Variants in ALDH5A1 observed in about 807,000 individuals in gnomAD.
The protein encoded by ALDH5A1 is succinate-semialdehyde dehydrogenase, mitochondrial.
ALDH5A1 carries 33 observed loss-of-function variants against 54.7 expected under a neutral mutation model. The observed-to-expected ratio is 0.60, with a 90% CI of 0.46 to 0.81. The LOEUF is 0.81. ALDH5A1 is among the 30% of genes least tolerant of loss of function. ALDH5A1 has a pLI of 0.00. For missense variants in ALDH5A1, 657 were observed against 711.0 expected (o/e 0.92, Z 0.86); for synonymous variants, 294 against 292.7 (o/e 1.00, Z -0.05).
At chr6:24,522,378 G>A (rs922637766) in intron 6 of ALDH5A1, among the ~76,000 whole-genome samples, 14 of 151,326 alleles carry the variant, frequency 9.3e-5, no homozygotes, top group African/African-American at 3.2e-4. Context: ...CAGCATCACA[G>A]TCTCCTAGGA....
At chr6:24,519,953 A>G (rs1759646136) in intron 5 of ALDH5A1, among the ~76,000 whole-genome samples, 1 of 145,052 alleles carries the variant, frequency 6.9e-6, no homozygotes, top group South Asian at 2.2e-4. Context: ...AAAAATTAAG[A>G]CAGTATTAAT....
chr6:24,500,536 C>T (rs1764798821), intron 1 of ALDH5A1, among the ~76,000 whole-genome samples: 1 of 152,016 alleles, frequency 6.6e-6, no homozygotes. Context: ...AATCTCAGCA[C>T]TTTGGGAGGC....
At chr6:24,531,976 TC>T in intron 8 of ALDH5A1, 142 bp from the exon 9 acceptor site, 1 of 758,680 alleles carries the variant, frequency 1.3e-6, no homozygotes, top group Non-Finnish European at 2.3e-6. Context: ...GGTGCTGCTT[TC>T]TTCTGCAATC....
intron 9 of ALDH5A1, among the ~76,000 whole-genome samples, chr6:24,532,928 G>A (rs1759963337): frequency 6.6e-6 from 1 of 152,096 alleles, no homozygotes; most frequent in Non-Finnish European, 1.5e-5. Context: ...ATGGGGTGAT[G>A]GTGGAGGAAG....
intron 6 of ALDH5A1, among the ~76,000 whole-genome samples, chr6:24,521,857 A>AT (rs71542679): frequency 0.025 from 2,468 of 98,204 alleles, 217 homozygotes; most frequent in African/African-American, 0.086. Flanking sequence ...TGTCTCTACA[A>AT]TTTTTTTTTT....
chr6:24,508,589 A>G (rs1759406404), intron 4 of ALDH5A1, among the ~76,000 whole-genome samples: 1 of 151,956 alleles, frequency 6.6e-6, no homozygotes, highest in African/African-American at 2.4e-5. Flanking sequence ...TGCATGTGCA[A>G]GTATCTTTTC....
In ALDH5A1 at chr6:24,515,251, A is replaced by G. The variant is rs750080801; in HGVS notation, c.811A>G (p.Ile271Val). 8 of 1,613,846 alleles carry G rather than the reference A, an allele frequency of 5.0e-6. No homozygotes were observed. Among genetic ancestry groups the G allele is most frequent in the Non-Finnish European group, 5.9e-6 (7 of 1,179,980 alleles). Residue 271 changes from isoleucine to valine, a missense_variant, in exon 5 of 10, where the codon ATT becomes GTT. Physicochemically the swap from Ile to Val is conservative, Grantham distance 29. Coordinates refer to ENST00000357578, the MANE Select transcript of ALDH5A1 (RefSeq NM_001080.3). ...GAATGCCAAGGAAGTAGGGGAGGCA[A>G]TTTGTACTGATCCTCTGGTGTCCAA... ...RKNAKEVGEAICTDPLVSKIS... is the reference protein window; with the variant it reads ...RKNAKEVGEAVCTDPLVSKIS...
chr6:24,521,502 A>C (rs1411411584), intron 6 of ALDH5A1, among the ~76,000 whole-genome samples: 6 of 152,238 alleles, frequency 3.9e-5, no homozygotes, highest in African/African-American at 1.4e-4. Context: ...GTAATTTTAA[A>C]TGCATTCTAG....
chr6:24,503,961 C>G (rs2760117), intron 3 of ALDH5A1, among the ~76,000 whole-genome samples: 5 of 152,020 alleles, frequency 3.3e-5, no homozygotes, highest in African/African-American at 1.2e-4. Flanking sequence ...ATTTGTGGAA[C>G]GCCCAGCTTT....
Position 24,518,368 on chromosome 6 carries a change from C to T in ALDH5A1, c.871-2033C>T, listed in dbSNP as rs1759612945. Among the ~76,000 whole-genome samples the T allele has an allele frequency of 1.3e-5, 2 of 152,276 alleles. No homozygotes were observed. The highest frequency in any genetic ancestry group is 1.9e-4 in the East Asian group (1 of 5,180). On this transcript the variant is annotated intron_variant, in intron 5 of 9. Transcript: ENST00000357578. This position sits in a 1 kb window ranked among gnomAD's most constrained non-coding sequence, Gnocchi z 4.2. ...ATACCCAGTGGCCAGGGCAAGCCGC[C>T]TTCCTGGAGAAGCAGAGACTGAGTG...
intron 6 of ALDH5A1, chr6:24,522,501 G>GTGTGTGTGTGTGTGTGTGTGTGTGTGTA (rs1554137632): frequency 2.0e-4 from 74 of 361,996 alleles, no homozygotes; most frequent in Non-Finnish European, 2.9e-4. Flanking sequence ...GTGTGTGTGT[G>GTGTGTGTGTGTGTGTGTGTGTGTGTGTA]TGTACAGGTG....
Position 24,509,058 on chromosome 6 carries a change from C to T in ALDH5A1, c.726+4073C>T, listed in dbSNP as rs1759413511. Among the ~76,000 whole-genome samples the T allele has an allele frequency of 1.3e-5, 2 of 152,190 alleles. No individual in the cohort carries two copies. Among genetic ancestry groups the T allele is most frequent in the Admixed American group, 1.3e-4 (2 of 15,282 alleles). ...TAGATTGTGAAGACTTTCTCCTGCTCTGTGGGTTGTCTGTTTACTCTGCTG... is the reference window on the plus strand; with the variant it reads ...TAGATTGTGAAGACTTTCTCCTGCTTTGTGGGTTGTCTGTTTACTCTGCTG... On this transcript the variant is annotated intron_variant, in intron 4 of 9. Transcript: ENST00000357578. This position sits in a 1 kb window ranked among gnomAD's most constrained non-coding sequence, Gnocchi z 4.7.
At chr6:24,520,607 G>GTA in intron 6 of ALDH5A1, 63 bp downstream of exon 6, 1 of 1,594,680 alleles carries the variant, frequency 6.3e-7, no homozygotes, top group African/African-American at 1.3e-5. Flanking sequence ...GTGTGTATGT[G>GTA]TGTGTGTGTG....
intron 6 of ALDH5A1, among the ~76,000 whole-genome samples, chr6:24,521,573 C>T (rs1030746359): frequency 6.6e-6 from 1 of 152,220 alleles, no homozygotes; most frequent in Non-Finnish European, 1.5e-5. Flanking sequence ...GTGATATTCT[C>T]TATCAAATAA....
rs973569793 is a variant in ALDH5A1, at chr6:24,495,287, G to C, written c.291G>C (p.Glu97Asp). ...LGMVADCGVREARAAVRAAYE... is the reference protein window; with the variant it reads ...LGMVADCGVRDARAAVRAAYE... ...TGGTAGCCGACTGCGGGGTGCGAGA[G>C]GCCCGCGCCGCCGTGCGCGCTGCCT... The change falls in exon 1 of 10, where the codon GAG becomes GAC. Residue 97 changes from glutamate (E) to aspartate (D), a missense_variant. Glu to Asp is a conservative substitution (Grantham distance 45). Transcript: ENST00000357578. The C allele has an allele frequency of 4.6e-6, 7 of 1,532,572 alleles. No homozygotes were observed. The highest frequency in any genetic ancestry group is 2.2e-4 in the Middle Eastern group (1 of 4,500). 94.9% of individuals were successfully genotyped at this position (1,532,572 alleles called of 1,614,324 possible).
intron 3 of ALDH5A1, among the ~76,000 whole-genome samples, chr6:24,504,591 G>A (rs1209580781): frequency 6.6e-6 from 1 of 152,156 alleles, no homozygotes; most frequent in Non-Finnish European, 1.5e-5. Flanking sequence ...AAAAATTTAC[G>A]ATCTGGCCCT....
Position 24,495,510 on chromosome 6 carries a change from G to A in ALDH5A1, c.354+160G>A, listed in dbSNP as rs560401507. On this transcript the variant is annotated intron_variant, in intron 1 of 9. Coordinates refer to ENST00000357578, the MANE Select transcript of ALDH5A1 (RefSeq NM_001080.3). Reference sequence around the variant, plus strand: ...AGTCAGAGCAACAAGGGAGACGACCGACAAATAAGTTTGGAGCTTCCACTT... The same window carrying A: ...AGTCAGAGCAACAAGGGAGACGACCAACAAATAAGTTTGGAGCTTCCACTT... Among the ~76,000 whole-genome samples, 81 of 152,314 alleles carry A rather than the reference G, an allele frequency of 5.3e-4. No homozygotes were observed. In the South Asian group the frequency reaches 8.9e-3, roughly 17 times the overall value.
chr6:24,515,418 G>A, intron 5 of ALDH5A1, 108 bp downstream of exon 5: 2 of 1,373,954 alleles, frequency 1.5e-6, no homozygotes, highest in East Asian at 2.5e-5. Context: ...AAGATTTCCA[G>A]CAGAGTGTTA....
chr6:24,501,411 G>C (rs2245668), intron 1 of ALDH5A1, among the ~76,000 whole-genome samples: 47,733 of 152,024 alleles, frequency 0.31, 7,840 homozygotes, highest in African/African-American at 0.39. Context: ...CCAAAGAAAA[G>C]TATAGTTTGG....
Sources: allele counts gnomAD v4.1 joint callset (sites outside exome capture counted in the v4.1 genomes callset), GRCh38; gene constraint gnomAD v4.1.1; non-coding constraint Gnocchi (gnomAD v3.1); transcripts MANE v1.5; gene names NCBI Gene and HGNC (gene_info 2026-07-23, HGNC 2026-07-21).